The following DPP6 variants were observed in gnomAD, a reference collection of about 807,000 sequenced individuals.
DPP6 encodes the protein dipeptidyl peptidase like 6.
DPP6 carries 69 observed loss-of-function variants against 122.6 expected under a neutral mutation model. That is an observed-to-expected ratio of 0.56 (90% CI 0.46 to 0.69). The LOEUF (loss-of-function observed/expected upper bound fraction) is 0.69. Among genes scored for constraint, DPP6 ranks in the 30% least tolerant of loss-of-function variants. The pLI is 0.00. For missense variants in DPP6, 928 were observed against 1,116.9 expected, an observed-to-expected ratio of 0.83 and a Z score of 2.41; for synonymous variants, 418 against 433.1, an observed-to-expected ratio of 0.97 and a Z score of 0.43.
the DPP6 span, among the ~76,000 whole-genome samples, chr7:153,792,678 A>G: frequency 1.3e-5 from 2 of 150,964 alleles, no homozygotes; most frequent in African/African-American, 4.9e-5. Flanking sequence ...TTTTCAGAGC[A>G]GGATTGGAAG....
At chr7:153,855,448 T>C in the DPP6 span, among the ~76,000 whole-genome samples, 1 of 152,226 alleles carries the variant, frequency 6.6e-6, no homozygotes, top group Admixed American at 6.5e-5. Context: ...AATAATCCAC[T>C]GCGTGAACTT....
chr7:153,839,361 A>G, the DPP6 span, among the ~76,000 whole-genome samples: 1 of 152,236 alleles, frequency 6.6e-6, no homozygotes, highest in African/African-American at 2.4e-5. Context: ...GGTTTCACAC[A>G]TTATTTCTTT....
chr7:154,575,361 T>TA (rs1831528516), intron 5 of DPP6, among the ~76,000 whole-genome samples: 5 of 102,006 alleles, frequency 4.9e-5, no homozygotes, highest in African/African-American at 1.9e-4. Context: ...GTGGTGTGTG[T>TA]GTGATGTGTG....
intron 1 of DPP6, among the ~76,000 whole-genome samples, chr7:154,335,385 T>C (rs1258028615): frequency 6.6e-6 from 1 of 152,200 alleles, no homozygotes; most frequent in Admixed American, 6.5e-5. Flanking sequence ...ACCTAACAAA[T>C]ACCTAACAAA....
At chr7:154,506,702 T>C (rs1006856851) in intron 3 of DPP6, among the ~76,000 whole-genome samples, 2 of 152,196 alleles carry the variant, frequency 1.3e-5, no homozygotes, top group African/African-American at 2.4e-5. Context: ...ACCCATATTA[T>C]CTGAAAGAGA....
intron 3 of DPP6, among the ~76,000 whole-genome samples, chr7:154,505,242 C>G (rs1337588280): frequency 6.6e-6 from 1 of 152,086 alleles, no homozygotes; most frequent in Non-Finnish European, 1.5e-5. Context: ...TTAAAATAAA[C>G]TTTTTATGTT....
At chr7:154,340,667 G>A (rs1006328910) in intron 1 of DPP6, among the ~76,000 whole-genome samples, 15 of 152,192 alleles carry the variant, frequency 9.9e-5, no homozygotes, top group Non-Finnish European at 1.8e-4. Context: ...CAGAAGCACT[G>A]GTGATAGCAG....
At position 153,964,944 on chromosome 7, in the gene DPP6, C is replaced by CTT. The variant is rs1310281386; in HGVS notation, c.51+77212_51+77213dup. 3.4e-4 allele frequency among the ~76,000 whole-genome samples: 20 copies of CTT among 58,106 alleles called. 1 individual carries two copies. Among genetic ancestry groups the CTT allele is most frequent in the East Asian group, 2.1e-3 (6 of 2,860 alleles). 38.1% of individuals were successfully genotyped at this position (58,106 alleles called of 152,430 possible). A position where few individuals can be genotyped will look rare whatever the true frequency, so the allele number is the denominator to read the frequency against. On this transcript the variant is annotated intron_variant, in intron 1 of 25. Transcript: ENST00000404039. ...TTTCTTTCTTTCTTTCTTTCTTTTTCTTTCTTTCTCTCTTTCTTTCTTTCA... is the reference window on the plus strand; with the variant it reads ...TTTCTTTCTTTCTTTCTTTCTTTTTCTTTTTCTTTCTCTCTTTCTTTCTTTCA...
At chr7:153,797,686 T>G in the DPP6 span, among the ~76,000 whole-genome samples, 1 of 152,244 alleles carries the variant, frequency 6.6e-6, no homozygotes, top group South Asian at 2.1e-4. Context: ...GCAGTCATTT[T>G]TTTCCCACAG....
chr7:154,558,686 A>G (rs1400446513), intron 4 of DPP6, among the ~76,000 whole-genome samples: 1 of 152,240 alleles, frequency 6.6e-6, no homozygotes, highest in Non-Finnish European at 1.5e-5. Context: ...GCTATGCCAT[A>G]TGGCCTAGGT....
chr7:154,302,399 G>A (rs1407223677), intron 1 of DPP6, among the ~76,000 whole-genome samples: 1 of 152,220 alleles, frequency 6.6e-6, no homozygotes, highest in African/African-American at 2.4e-5. Context: ...AGTCAAGTAT[G>A]TAAAAAGGTG....
intron 1 of DPP6, among the ~76,000 whole-genome samples, chr7:154,313,504 A>C (rs1807089628): frequency 6.6e-6 from 1 of 151,624 alleles, no homozygotes; most frequent in Non-Finnish European, 1.5e-5. Context: ...GAATAGGTAA[A>C]ACCAGAGGAG....
intron 1 of DPP6, among the ~76,000 whole-genome samples, chr7:153,888,469 C>T (rs559562720): frequency 6.4e-4 from 97 of 152,276 alleles, no homozygotes; most frequent in African/African-American, 2.1e-3. Flanking sequence ...CGAGCCCACC[C>T]GCCTCGCCGC....
intron 1 of DPP6, among the ~76,000 whole-genome samples, chr7:154,385,717 C>T (rs551594455): frequency 5.9e-5 from 9 of 152,222 alleles, no homozygotes; most frequent in South Asian, 4.1e-4. Flanking sequence ...CACCTGTGTA[C>T]GGATGAATTC....
chr7:154,535,623 A>T (rs889309657), intron 3 of DPP6, among the ~76,000 whole-genome samples: 3 of 152,068 alleles, frequency 2.0e-5, no homozygotes, highest in Non-Finnish European at 4.4e-5. Flanking sequence ...AAAGAATTTT[A>T]AAAAATACAT....
intron 6 of DPP6, among the ~76,000 whole-genome samples, chr7:154,646,221 G>T (rs1836470545): frequency 6.6e-6 from 1 of 151,918 alleles, no homozygotes; most frequent in Admixed American, 6.6e-5. Context: ...TTTAAAAATA[G>T]ACTAAAACCA....
intron 1 of DPP6, among the ~76,000 whole-genome samples, chr7:153,957,600 G>C (rs1395747173): frequency 6.6e-6 from 1 of 152,192 alleles, no homozygotes; most frequent in African/African-American, 2.4e-5. Flanking sequence ...GAAAGGACTT[G>C]CTTTATTTTA....
intron 25 of DPP6, chr7:154,890,282 A>G (rs1806488927): frequency 7.4e-6 from 1 of 136,036 alleles, no homozygotes. Context: ...TGCCTCCCTC[A>G]GAGAGCTCTT....
chr7:154,352,744 A>G (rs1314358642), intron 1 of DPP6, among the ~76,000 whole-genome samples: 1 of 152,148 alleles, frequency 6.6e-6, no homozygotes, highest in Non-Finnish European at 1.5e-5. Context: ...TAAAACCTAG[A>G]TGATGGGTTG....
Sources: allele counts gnomAD v4.1 joint callset (sites outside exome capture counted in the v4.1 genomes callset), GRCh38; gene constraint gnomAD v4.1.1; transcripts MANE v1.5; gene names NCBI Gene and HGNC (gene_info 2026-07-23, HGNC 2026-07-21).